Variants in COL19A1 observed in about 807,000 individuals in gnomAD.
COL19A1 encodes the protein collagen type XIX alpha 1 chain, also known as collagen alpha-1(XIX) chain.
Under a neutral mutation model 190.2 loss-of-function variants are expected in COL19A1, and 159 were observed. The observed-to-expected ratio is 0.84, with a 90% CI of 0.73 to 0.95. COL19A1 has a LOEUF of 0.95. Ranked by LOEUF, COL19A1 falls within the 40% of genes least tolerant of loss-of-function variation. COL19A1 has a pLI of 0.00. For synonymous variants in COL19A1, 509 were observed against 458.9 expected (o/e 1.11, Z -1.39); for missense variants, 1,418 against 1,431.9 (o/e 0.99, Z 0.16).
chr6:70,159,484 T>C (rs1787650355), intron 34 of COL19A1, among the ~76,000 whole-genome samples: 2 of 151,934 alleles, frequency 1.3e-5, no homozygotes, highest in Non-Finnish European at 2.9e-5. Flanking sequence ...GAAAAATATG[T>C]CAACATTCTT....
chr6:70,188,285 C>T (rs1268142475), intron 47 of COL19A1, 40 bp downstream of exon 47: 24 of 1,547,760 alleles, frequency 1.6e-5, no homozygotes, highest in East Asian at 2.3e-5. Flanking sequence ...CTGGCTTGTA[C>T]CGACCATGTA....
At chr6:70,130,297 C>G in intron 18 of COL19A1, 74 bp downstream of exon 18, 1 of 1,270,154 alleles carries the variant, frequency 7.9e-7, no homozygotes, top group Non-Finnish European at 1.1e-6. Flanking sequence ...ACAATCTTGG[C>G]TCACTATAAC....
At chr6:70,083,389 G>A (rs1190179738) in intron 15 of COL19A1, among the ~76,000 whole-genome samples, 1 of 151,542 alleles carries the variant, frequency 6.6e-6, no homozygotes, top group East Asian at 1.9e-4. Context: ...ATAATTTTTT[G>A]TTTGTTGAAT....
chr6:70,199,686 C>G lies in COL19A1; in HGVS notation c.3173C>G (p.Pro1058Arg). Residue 1058 changes from proline (P) to arginine (R), a missense_variant, in exon 49 of 51, where the codon CCA (proline) becomes CGA (arginine). Physicochemically the swap from Pro to Arg is moderately radical, Grantham distance 103. Transcript: ENST00000620364. Reference sequence around the variant, plus strand: ...GCCCAAGCTTATGGGAGACCTGGGCCACCAGGGAAGGATGGGTTGCCTGGG... The same window carrying G: ...GCCCAAGCTTATGGGAGACCTGGGCGACCAGGGAAGGATGGGTTGCCTGGG... ...LAAQAYGRPG[P>R]PGKDGLPGPP... The G allele has an allele frequency of 6.2e-7, 1 of 1,610,740 alleles. No homozygotes were observed. Among genetic ancestry groups the G allele is most frequent in the Non-Finnish European group, 8.5e-7 (1 of 1,178,016 alleles).
intron 8 of COL19A1, 130 bp downstream of exon 8, chr6:69,937,040 G>A: frequency 7.7e-7 from 1 of 1,298,314 alleles, no homozygotes; most frequent in Non-Finnish European, 1.1e-6. Context: ...CTCAGTTACT[G>A]GGGTGGGTTA....
chr6:70,153,224 G>C (rs1787186369), intron 31 of COL19A1, among the ~76,000 whole-genome samples: 1 of 152,102 alleles, frequency 6.6e-6, no homozygotes. Context: ...TCCTGATCTT[G>C]TTACCCTATA....
At chr6:70,148,870 T>C (rs1447606817) in intron 27 of COL19A1, among the ~76,000 whole-genome samples, 1 of 151,180 alleles carries the variant, frequency 6.6e-6, no homozygotes, top group Non-Finnish European at 1.5e-5. Flanking sequence ...GAGGTTGCAG[T>C]GAGCTGAGAT....
At chr6:70,027,271 A>G (rs1444698940) in intron 12 of COL19A1, among the ~76,000 whole-genome samples, 1 of 152,160 alleles carries the variant, frequency 6.6e-6, no homozygotes, top group Non-Finnish European at 1.5e-5. Context: ...CTTAGTGTCA[A>G]TGTATCTTAT....
intron 2 of COL19A1, among the ~76,000 whole-genome samples, chr6:69,888,726 T>C (rs1397712503): frequency 6.7e-6 from 1 of 148,458 alleles, no homozygotes; most frequent in Admixed American, 6.8e-5. Flanking sequence ...TGCAGTAAGC[T>C]GAGATAGCGC....
rs570846414 is a variant in COL19A1 at position 70,105,674 on chromosome 6, T to A, written c.1278+3452T>A. Among the ~76,000 whole-genome samples, 3 of 152,260 alleles carry A rather than the reference T, an allele frequency of 2.0e-5. No individual in the cohort carries two copies. In the South Asian group the frequency reaches 6.2e-4, roughly 32 times the overall value. On this transcript the variant is annotated intron_variant, in intron 16 of 50. Transcript: ENST00000620364. ...ATCTTACTTTATAGCAAGAAGGAAG[T>A]CAAGAAGAGAACAAGAGACGGGTTG...
chr6:70,155,387 A>T (rs940884187), intron 31 of COL19A1, among the ~76,000 whole-genome samples: 13 of 152,098 alleles, frequency 8.5e-5, no homozygotes, highest in Non-Finnish European at 1.5e-5. Context: ...CAATTTATTT[A>T]AAAATAAGCC....
rs111989408 is a variant in COL19A1, at chr6:70,003,570, A to G, written c.1027-20057A>G. The stretch of plus-strand genomic sequence containing the variant: ...CTGCGTGCTCCTGTATTGGGTGCAT[A>G]TATATTTAGAATAGTTAGCTCTTCT... On this transcript the variant is annotated intron_variant, in intron 11 of 50. Transcript: ENST00000620364. 5.1e-3 allele frequency among the ~76,000 whole-genome samples: 778 copies of G among 152,054 alleles called. 10 individuals are homozygous for G. The highest frequency in any genetic ancestry group is 0.018 in the African/African-American group (733 of 41,472).
intron 11 of COL19A1, among the ~76,000 whole-genome samples, chr6:69,971,646 GA>G (rs1481780619): frequency 6.6e-6 from 1 of 152,148 alleles, no homozygotes; most frequent in African/African-American, 2.4e-5. Context: ...TACTTCCTAA[GA>G]AATGTCAGAC....
rs531926707 is a variant in COL19A1 at position 69,962,955 on chromosome 6, G to A, written c.1026+85G>A. ...AAATAAAATATTTAACTTGTTTTGTGCATTCCCTATAAGCAATTCAATAAT... is the reference window on the plus strand; with the variant it reads ...AAATAAAATATTTAACTTGTTTTGTACATTCCCTATAAGCAATTCAATAAT... On this transcript the variant is annotated intron_variant, in intron 11 of 50. Transcript: ENST00000620364. 9.4e-4 allele frequency: 993 copies of A among 1,060,510 alleles called. 1 individual carries two copies. The highest frequency in any genetic ancestry group is 1.3e-3 in the Non-Finnish European group (941 of 717,468). 65.7% of individuals were successfully genotyped at this position (1,060,510 alleles called of 1,614,324 possible).
intron 9 of COL19A1, among the ~76,000 whole-genome samples, chr6:69,945,381 G>A (rs1317266317): frequency 6.6e-6 from 1 of 151,978 alleles, no homozygotes; most frequent in Non-Finnish European, 1.5e-5. Context: ...ATTTTGAGTA[G>A]TCTAATATGC....
chr6:70,198,798 G>C (rs1257852254), intron 48 of COL19A1, among the ~76,000 whole-genome samples: 1 of 152,122 alleles, frequency 6.6e-6, no homozygotes, highest in African/African-American at 2.4e-5. Context: ...ATGGGTCAGG[G>C]ACTTGAAGTG....
chr6:70,196,341 G>A (rs561247084), intron 48 of COL19A1, among the ~76,000 whole-genome samples: 1 of 152,260 alleles, frequency 6.6e-6, no homozygotes, highest in African/African-American at 2.4e-5. Context: ...TAACCTGAAT[G>A]CTAATATGTA....
In COL19A1 at chr6:70,067,556, G is replaced by C. The variant is rs377269701; in HGVS notation, c.1171-867G>C. Among the ~76,000 whole-genome samples the C allele has an allele frequency of 8.5e-5, 13 of 152,070 alleles. No homozygotes were observed. The East Asian group carries it at 1.4e-3, about 16-fold the overall frequency. On this transcript the variant is annotated intron_variant, in intron 14 of 50. Coordinates refer to ENST00000620364, the MANE Select transcript of COL19A1 (RefSeq NM_001858.6). ...CAGTGGTTCCATCAAGCACGTCGTG[G>C]GTCTGAATGCAGCTCAGAGATAAAC...
chr6:70,058,337 T>C (rs1401147728), intron 14 of COL19A1, among the ~76,000 whole-genome samples: 2 of 152,078 alleles, frequency 1.3e-5, no homozygotes, highest in Admixed American at 1.3e-4. Flanking sequence ...TTTTAAATTT[T>C]TGAAGGCAGG....
Sources: allele counts gnomAD v4.1 joint callset (sites outside exome capture counted in the v4.1 genomes callset), GRCh38; gene constraint gnomAD v4.1.1; transcripts MANE v1.5; gene names NCBI Gene and HGNC (gene_info 2026-07-23, HGNC 2026-07-21).